ACTR3C: variants seen among roughly 807,000 people sequenced by gnomAD.
ACTR3C encodes actin-related protein 3C.
ACTR3C carries 18 observed loss-of-function variants against 26.3 expected under a neutral mutation model. The observed-to-expected ratio is 0.68, with a 90% confidence interval of 0.47 to 1.01. The LOEUF (loss-of-function observed/expected upper bound fraction) is 1.01. Among genes scored for constraint, ACTR3C ranks in the 50% least tolerant of loss-of-function variants. The pLI, the probability that ACTR3C is intolerant of heterozygous loss-of-function variation, is 0.00. For synonymous variants in ACTR3C, 55 were observed against 94.5 expected (o/e 0.58, Z 2.42); for missense variants, 184 against 250.7 (o/e 0.73, Z 1.80).
chr7:150,054,299 GC>G, the ACTR3C span, among the ~76,000 whole-genome samples: 5 of 152,122 alleles, frequency 3.3e-5, no homozygotes, highest in Non-Finnish European at 7.4e-5. Flanking sequence ...TCCACCCCAG[GC>G]CCCCTGCAGG....
chr7:150,039,152 T>TG, the ACTR3C span, among the ~76,000 whole-genome samples: 1 of 135,260 alleles, frequency 7.4e-6, no homozygotes. Context: ...CCTAAGCCGG[T>TG]GGGGGAAGAG....
At chr7:150,144,377 C>T in the ACTR3C span, among the ~76,000 whole-genome samples, 8 of 152,010 alleles carry the variant, frequency 5.3e-5, no homozygotes, top group African/African-American at 1.7e-4. This position sits in a 1 kb window ranked among gnomAD's most constrained non-coding sequence, Gnocchi z 4.6. Flanking sequence ...TTATTTGAAA[C>T]GTAAAGAGGG....
the ACTR3C span, among the ~76,000 whole-genome samples, chr7:150,036,143 C>A: frequency 8.5e-5 from 7 of 82,586 alleles, no homozygotes; most frequent in African/African-American, 3.6e-4. Flanking sequence ...TCTGAGTCCC[C>A]GCCTCGTGGG....
At chr7:149,887,973 T>C in the ACTR3C span, among the ~76,000 whole-genome samples, 1 of 152,196 alleles carries the variant, frequency 6.6e-6, no homozygotes, top group African/African-American at 2.4e-5. Flanking sequence ...CTCAACCTTG[T>C]GGAACTGTAA....
At chr7:150,041,912 G>GGT in the ACTR3C span, among the ~76,000 whole-genome samples, 1 of 3,566 alleles carries the variant, frequency 2.8e-4, no homozygotes, top group East Asian at 0.013. Flanking sequence ...CTCAGAGCCA[G>GGT]GGGGGGAAGA....
chr7:149,981,420 C>T, the ACTR3C span, among the ~76,000 whole-genome samples: 147 of 151,662 alleles, frequency 9.7e-4, no homozygotes, highest in African/African-American at 3.4e-3. Flanking sequence ...TGGAAACTCA[C>T]GAAGGTCACT....
chr7:150,228,819 C>T, the ACTR3C span, among the ~76,000 whole-genome samples: 1 of 149,124 alleles, frequency 6.7e-6, no homozygotes, highest in African/African-American at 2.5e-5. Flanking sequence ...TCAAATTATG[C>T]AAACATATAA....
chr7:149,949,776 T>G, the ACTR3C span, among the ~76,000 whole-genome samples: 1 of 146,798 alleles, frequency 6.8e-6, no homozygotes, highest in East Asian at 1.9e-4. Flanking sequence ...TGGCCTTTAG[T>G]GGATTCCCTG....
chr7:150,054,146 A>G, the ACTR3C span, among the ~76,000 whole-genome samples: 4 of 152,214 alleles, frequency 2.6e-5, no homozygotes, highest in Non-Finnish European at 5.9e-5. Flanking sequence ...TCAAGAGCAT[A>G]ATATAGCGGA....
At chr7:150,080,684 C>A in the ACTR3C span, among the ~76,000 whole-genome samples, 1 of 152,140 alleles carries the variant, frequency 6.6e-6, no homozygotes, top group East Asian at 1.9e-4. Context: ...TGAGATTCCA[C>A]ATGATCACTC....
the ACTR3C span, among the ~76,000 whole-genome samples, chr7:149,969,920 C>G: frequency 6.6e-6 from 1 of 152,106 alleles, no homozygotes; most frequent in South Asian, 2.1e-4. Context: ...TCCACCATCC[C>G]ATCTTGAAAT....
chr7:149,923,164 G>A, the ACTR3C span, among the ~76,000 whole-genome samples: 1 of 149,572 alleles, frequency 6.7e-6, no homozygotes, highest in African/African-American at 2.5e-5. Flanking sequence ...CACCAAAAAA[G>A]ATATTAATAA....
chr7:150,153,122 G>A, the ACTR3C span, among the ~76,000 whole-genome samples: 8 of 152,224 alleles, frequency 5.3e-5, no homozygotes, highest in Non-Finnish European at 7.4e-5. Flanking sequence ...AAAAACCCTA[G>A]AAGAAAACCT....
chr7:150,038,025 G>C, the ACTR3C span, among the ~76,000 whole-genome samples: 3 of 138,684 alleles, frequency 2.2e-5, no homozygotes, highest in Non-Finnish European at 3.2e-5. Flanking sequence ...CTGCTATGGT[G>C]GTCCCAAGAG....
chr7:150,222,918 G>T, the ACTR3C span, among the ~76,000 whole-genome samples: 1 of 152,128 alleles, frequency 6.6e-6, no homozygotes, highest in East Asian at 1.9e-4. Context: ...TGAATTTGGG[G>T]TTTCACTATG....
chr7:150,040,041 T>A, the ACTR3C span, among the ~76,000 whole-genome samples: 2 of 126,652 alleles, frequency 1.6e-5, no homozygotes, highest in East Asian at 4.7e-4. Flanking sequence ...TGGCTCTGAG[T>A]CCCCGCCTCG....
At chr7:149,922,970 C>CTTTTTTTTTTTTTTTTTTTTT in the ACTR3C span, among the ~76,000 whole-genome samples, 4 of 69,160 alleles carry the variant, frequency 5.8e-5, no homozygotes, top group Middle Eastern at 0.019. Context: ...AAATAAAAGG[C>CTTTTTTTTTTTTTTTTTTTTT]TTTTTTTTTT....
the ACTR3C span, among the ~76,000 whole-genome samples, chr7:149,949,676 G>T: frequency 6.8e-6 from 1 of 147,008 alleles, no homozygotes; most frequent in Non-Finnish European, 1.5e-5. Flanking sequence ...ACTTTTGCCT[G>T]GGACCCCAGG....
the ACTR3C span, among the ~76,000 whole-genome samples, chr7:149,961,497 T>C: frequency 5.3e-4 from 80 of 150,316 alleles, no homozygotes; most frequent in African/African-American, 1.9e-3. Context: ...AGGAAGTGTA[T>C]GCTCAAAGGA....
Sources: gnomAD v4.1 joint callset for allele counts (sites outside exome capture counted in the v4.1 genomes callset) on GRCh38, gnomAD v4.1.1 for gene constraint, Gnocchi (gnomAD v3.1) non-coding constraint, MANE v1.5 for transcripts, NCBI Gene and HGNC (gene_info 2026-07-23, HGNC 2026-07-21) for gene names.